The following ANKRD26 variants were observed in gnomAD, a reference collection of about 807,000 sequenced individuals.
ANKRD26 encodes the protein ankyrin repeat domain-containing protein 26.
Under a neutral mutation model 208.7 loss-of-function variants are expected in ANKRD26, and 141 were observed. The observed-to-expected ratio is 0.68, with a 90% CI of 0.59 to 0.78. The LOEUF is 0.78. ANKRD26 is among the 30% of genes least tolerant of loss of function. The probability of loss-of-function intolerance (pLI) is 0.00; values close to 1 mark genes in which losing one functional copy is unlikely to be tolerated. For missense variants in ANKRD26, 1,889 were observed against 1,938.7 expected, an observed-to-expected ratio of 0.97 and a Z score of 0.48; for synonymous variants, 636 against 660.4, an observed-to-expected ratio of 0.96 and a Z score of 0.57.
chr10:27,018,965 A>G (rs2053396952), intron 29 of ANKRD26, among the ~76,000 whole-genome samples: 1 of 152,186 alleles, frequency 6.6e-6, no homozygotes, highest in Non-Finnish European at 1.5e-5. Context: ...CGTAGGCAAA[A>G]AAACAAAAAT....
At chr10:26,950,821 C>T in the ANKRD26 span, among the ~76,000 whole-genome samples, 1 of 152,022 alleles carries the variant, frequency 6.6e-6, no homozygotes, top group African/African-American at 2.4e-5. Flanking sequence ...TAACACAACA[C>T]GTGTCTGTGC....
downstream of ANKRD26, among the ~76,000 whole-genome samples, chr10:26,990,724 T>C (rs1436871780): frequency 1.3e-5 from 2 of 152,176 alleles, no homozygotes; most frequent in Non-Finnish European, 2.9e-5. Flanking sequence ...GTGGAAATTT[T>C]ACACTCATAG....
At chr10:27,064,392 A>G (rs2055167119) in intron 11 of ANKRD26, among the ~76,000 whole-genome samples, 1 of 152,186 alleles carries the variant, frequency 6.6e-6, no homozygotes, top group Non-Finnish European at 1.5e-5. Context: ...ACTAATATCA[A>G]AAGACCTAAC....
chr10:26,963,862 A>C, the ANKRD26 span, among the ~76,000 whole-genome samples: 2 of 48,748 alleles, frequency 4.1e-5, no homozygotes, highest in Non-Finnish European at 9.1e-5. Flanking sequence ...TGTTTGTGTT[A>C]TTTTTATTGG....
intron 3 of ANKRD26, among the ~76,000 whole-genome samples, chr10:26,983,111 AC>A (rs2052333450): frequency 6.6e-6 from 1 of 152,194 alleles, no homozygotes; most frequent in South Asian, 2.1e-4. Context: ...TTTTTCTTAT[AC>A]GTGAGTCCTC....
chr10:26,956,442 T>C, the ANKRD26 span, among the ~76,000 whole-genome samples: 1 of 152,156 alleles, frequency 6.6e-6, no homozygotes, highest in Admixed American at 6.5e-5. Context: ...AGGTTTATTC[T>C]TTGAATTTTC....
chr10:26,995,028 C>T (rs767528134), intron 5 of ANKRD26: 46 of 470,620 alleles, frequency 9.8e-5, no homozygotes, highest in Non-Finnish European at 1.9e-4. Flanking sequence ...TTAAATCAGA[C>T]CCATCTGCAT....
At chr10:26,951,207 G>A in the ANKRD26 span, among the ~76,000 whole-genome samples, 10 of 152,004 alleles carry the variant, frequency 6.6e-5, no homozygotes, top group East Asian at 1.9e-3. Context: ...TGAAAGAAAT[G>A]ATGGGTCACT....
intron 12 of ANKRD26, chr10:27,062,064 T>C: frequency 1.0e-6 from 1 of 985,196 alleles, no homozygotes; most frequent in African/African-American, 1.7e-5. Flanking sequence ...CAAGATGACT[T>C]AGCTAACTTC....
In ANKRD26 at chr10:27,083,828, G is replaced by T. The variant is rs548321665; in HGVS notation, c.710-995C>A. ...CAGCCATACGGTTTTGTAAATAAAG[G>T]TTTACGGAAGCACAGTCATGTTATT... On this transcript the variant is annotated intron_variant, in intron 5 of 33. Transcript: ENST00000376087. Among the ~76,000 whole-genome samples the T allele has an allele frequency of 1.4e-3, 219 of 152,314 alleles. 3 individuals carry two copies. The South Asian group carries it at 0.022, about 16-fold the overall frequency.
At chr10:27,047,556 G>A (rs1037139520) in intron 17 of ANKRD26, among the ~76,000 whole-genome samples, 7 of 151,922 alleles carry the variant, frequency 4.6e-5, no homozygotes, top group Admixed American at 2.6e-4. Flanking sequence ...AGGAGACAGA[G>A]GTTGCAGTGA....
Position 26,974,209 on chromosome 10 carries a change from A to C in ANKRD26, c.*2115T>G, listed in dbSNP as rs566983887. Among the ~76,000 whole-genome samples, 68 of 152,204 alleles carry C rather than the reference A, an allele frequency of 4.5e-4. 1 individual carries two copies. In the South Asian group the frequency reaches 0.014, roughly 32 times the overall value. ...ACATGCTATTGTTGCTCAATATTTT[A>C]CATGTTCCTTTTTTAACGCCACAAA... On this transcript the variant is annotated 3_prime_UTR_variant and NMD_transcript_variant, in exon 6 of 6. Coordinates refer to the ANKRD26 transcript ENST00000674670.
Position 27,017,771 on chromosome 10 carries a change from G to C in ANKRD26, c.4237C>G (p.Leu1413Val), listed in dbSNP as rs1433279727. Residue 1413 changes from leucine to valine, a missense_variant, in exon 30 of 34, where the codon CTG (leucine) becomes GTG (valine). Physicochemically the swap from Leu to Val is conservative, Grantham distance 32. Transcript: ENST00000376087. ...AGACATTTTGAACCTGCAGTCTCCA[G>C]TTCTGCTGTAAGATCATCAATCTGA... ...KHKIDDLTAE[L>V]ETAGSKCLHL... The C allele has an allele frequency of 6.2e-7, 1 of 1,612,564 alleles. No individual in the cohort carries two copies. The highest frequency in any genetic ancestry group is 8.5e-7 in the Non-Finnish European group (1 of 1,179,764).
Position 27,100,120 on chromosome 10 carries a change from C to T in ANKRD26, c.207G>A (p.Arg69=), listed in dbSNP as rs997859167. The T allele has an allele frequency of 6.2e-7, 1 of 1,614,032 alleles. No homozygotes were observed. The highest frequency in any genetic ancestry group is 1.7e-5 in the Admixed American group (1 of 60,018). ...TGTCTCTATCGTTCAAGCCATTCTT[C>T]CTGAGCAAAAGGATCTGCTGCACTT... ...VAKVQQILLL[R]KNGLNDRDKM... The change falls in exon 1 of 34, where the codon AGG becomes AGA. Residue 69 remains arginine, a synonymous_variant. Transcript: ENST00000376087.
chr10:27,022,535 TC>T, intron 29 of ANKRD26, 22 bp downstream of exon 29: 1 of 1,471,022 alleles, frequency 6.8e-7, no homozygotes, highest in Non-Finnish European at 9.4e-7. Context: ...ACTTTTTTGG[TC>T]CCAAAACTTA....
chr10:26,989,473 T>C (rs776921421), downstream of ANKRD26, among the ~76,000 whole-genome samples: 34 of 152,202 alleles, frequency 2.2e-4, no homozygotes, highest in Non-Finnish European at 4.9e-4. Flanking sequence ...GTTGAGAAGA[T>C]TGCAGCCCAA....
intron 1 of ANKRD26, among the ~76,000 whole-genome samples, chr10:27,096,776 A>G (rs1238806136): frequency 6.6e-6 from 1 of 151,808 alleles, no homozygotes; most frequent in Non-Finnish European, 1.5e-5. Context: ...AAAAAAAAAA[A>G]AAAAAGAAAA....
At chr10:26,977,323 T>C (rs1475411280) in intron 5 of ANKRD26, among the ~76,000 whole-genome samples, 3 of 152,194 alleles carry the variant, frequency 2.0e-5, no homozygotes, top group Non-Finnish European at 4.4e-5. Flanking sequence ...TAAAATTGTA[T>C]TAAAGTCTCA....
intron 24 of ANKRD26, among the ~76,000 whole-genome samples, chr10:27,034,178 G>T (rs142838667): frequency 6.6e-6 from 1 of 152,112 alleles, no homozygotes; most frequent in African/African-American, 2.4e-5. Context: ...CCAAATTATG[G>T]TTTAATAAAA....
Sources: allele counts gnomAD v4.1 joint callset (sites outside exome capture counted in the v4.1 genomes callset), GRCh38; gene constraint gnomAD v4.1.1; transcripts MANE v1.5; gene names NCBI Gene and HGNC (gene_info 2026-07-23, HGNC 2026-07-21).